WDFY4: variants seen among roughly 807,000 people sequenced by gnomAD.
The protein encoded by WDFY4 is WDFY family member 4.
Under a neutral mutation model 351.9 loss-of-function variants are expected in WDFY4, and 169 were observed. The ratio of observed to expected loss-of-function variants is 0.48; its 90% CI spans 0.42 to 0.55. WDFY4 has a LOEUF of 0.55. WDFY4 is among the 20% of genes least tolerant of loss of function. WDFY4 has a pLI of 0.00. For missense variants in WDFY4, 3,803 were observed against 3,935.6 expected (o/e 0.97, Z 0.90); for synonymous variants, 1,622 against 1,574.6 (o/e 1.03, Z -0.71).
At chr10:48,787,958 T>C (rs908145558) in intron 20 of WDFY4, among the ~76,000 whole-genome samples, 2 of 126,342 alleles carry the variant, frequency 1.6e-5, no homozygotes, top group Admixed American at 1.7e-4. Context: ...CTTCTTCTTC[T>C]TCTTCTTCTT....
chr10:48,941,883 A>G, intron 48 of WDFY4, 35 bp downstream of exon 48: 3 of 1,548,474 alleles, frequency 1.9e-6, no homozygotes, highest in Non-Finnish European at 2.6e-6. Flanking sequence ...GCCCTCTGGG[A>G]ATGCAAACCA....
intron 59 of WDFY4, among the ~76,000 whole-genome samples, chr10:48,977,951 A>G (rs140344990): frequency 6.6e-6 from 1 of 152,160 alleles, no homozygotes; most frequent in Non-Finnish European, 1.5e-5. Context: ...GTGAGGGAGT[A>G]CTCTAGAGGT....
intron 47 of WDFY4, among the ~76,000 whole-genome samples, chr10:48,920,406 A>T (rs1838960152): frequency 6.6e-6 from 1 of 152,164 alleles, no homozygotes; most frequent in African/African-American, 2.4e-5. Flanking sequence ...TAGGAGATAT[A>T]CCTAATGTTA....
At chr10:48,916,064 C>T (rs1192417940) in intron 47 of WDFY4, among the ~76,000 whole-genome samples, 1 of 152,180 alleles carries the variant, frequency 6.6e-6, no homozygotes, top group Non-Finnish European at 1.5e-5. Context: ...CAAGTAAAGC[C>T]TTGGGCAGAA....
chr10:48,959,635 C>T (rs1368572597), intron 52 of WDFY4, 87 bp from the exon 53 acceptor site: 2 of 1,222,694 alleles, frequency 1.6e-6, no homozygotes, highest in East Asian at 2.6e-5. Flanking sequence ...ACAAAATCAG[C>T]AATCCTGGGC....
chr10:48,802,884 T>G (rs868078818), intron 24 of WDFY4: 8 of 481,368 alleles, frequency 1.7e-5, no homozygotes, highest in Non-Finnish European at 3.0e-5. Context: ...GTCACTCAGC[T>G]GGTCTGTCTC....
intron 24 of WDFY4, among the ~76,000 whole-genome samples, chr10:48,801,986 A>G (rs1381493834): frequency 6.6e-6 from 1 of 151,870 alleles, no homozygotes; most frequent in Non-Finnish European, 1.5e-5. Flanking sequence ...AGTCAGGTGG[A>G]TTGACTTTGA....
chr10:48,881,048 G>C (rs535171991), intron 43 of WDFY4, among the ~76,000 whole-genome samples: 1 of 152,336 alleles, frequency 6.6e-6, no homozygotes, highest in South Asian at 2.1e-4. Context: ...CTTTAGAATG[G>C]GGTTCTACTC....
chr10:48,858,009 G>T (rs912883248), intron 39 of WDFY4, among the ~76,000 whole-genome samples: 31 of 152,028 alleles, frequency 2.0e-4, no homozygotes, highest in African/African-American at 7.2e-4. Flanking sequence ...GGCCAGGTTC[G>T]TCTTGAACTC....
intron 42 of WDFY4, among the ~76,000 whole-genome samples, chr10:48,876,224 G>A (rs35193987): frequency 5.9e-5 from 9 of 152,156 alleles, no homozygotes; most frequent in East Asian, 3.8e-4. Context: ...GAGGGTTTGC[G>A]TGAGCAGCAG....
rs982124196 is a variant in WDFY4, at chr10:48,941,708, C to T, written c.7587-98C>T. On this transcript the variant is annotated intron_variant, in intron 47 of 61. Coordinates refer to ENST00000325239, the MANE Select transcript of WDFY4 (RefSeq NM_001394531.1). Reference sequence around the variant, plus strand: ...TTGGGAAGTCTGCAGCTTTCCTGAACACCCTGGTCCCGTGAAGCCCAGGCA... The same window carrying T: ...TTGGGAAGTCTGCAGCTTTCCTGAATACCCTGGTCCCGTGAAGCCCAGGCA... 4.0e-6 allele frequency: 5 copies of T among 1,263,836 alleles called. No homozygotes were observed. The Admixed American group carries it at 7.9e-5, about 20-fold the overall frequency. The allele number at this position is 1,263,836 out of a possible 1,614,324, so 78.3% of individuals were successfully genotyped here.
In WDFY4 at chr10:48,776,784, C is replaced by T. The variant is rs1430534102; in HGVS notation, c.2898C>T (p.Pro966=). ...SQTAQGLAEG[P]WPAAPDAGLH... ...CTGCACAGGGCTTGGCTGAGGGGCC[C>T]TGGCCAGCTGCCCCAGATGCTGGGC... Residue 966 remains proline, a synonymous_variant, in exon 16 of 62, where the codon CCC becomes CCT. Transcript: ENST00000325239. The T allele has an allele frequency of 6.5e-7, 1 of 1,541,792 alleles. No individual in the cohort carries two copies. The highest frequency in any genetic ancestry group is 8.8e-7 in the Non-Finnish European group (1 of 1,138,852).
chr10:48,693,312 C>T (rs975858425), intron 1 of WDFY4, among the ~76,000 whole-genome samples: 4 of 152,070 alleles, frequency 2.6e-5, no homozygotes, highest in Non-Finnish European at 5.9e-5. Context: ...TGCTATGGTG[C>T]AGCCAGGGGA....
chr10:48,698,154 C>A (rs2063381431), intron 1 of WDFY4, among the ~76,000 whole-genome samples: 1 of 152,216 alleles, frequency 6.6e-6, no homozygotes, highest in African/African-American at 2.4e-5. Context: ...AGGATTGGCA[C>A]TGTGGAGAGT....
intron 12 of WDFY4, among the ~76,000 whole-genome samples, chr10:48,756,056 C>T (rs2065326792): frequency 6.6e-6 from 1 of 152,020 alleles, no homozygotes; most frequent in South Asian, 2.1e-4. Context: ...TTGCCTATAT[C>T]TACAAAAATT....
chr10:48,756,202 T>C (rs1004788614), intron 12 of WDFY4, among the ~76,000 whole-genome samples: 1 of 152,058 alleles, frequency 6.6e-6, no homozygotes, highest in Non-Finnish European at 1.5e-5. Context: ...GATTCTTTCA[T>C]CAAAGTCTGT....
chr10:48,796,277 G>A, intron 23 of WDFY4, 21 bp from the exon 24 acceptor site: 2 of 1,547,130 alleles, frequency 1.3e-6, no homozygotes, highest in East Asian at 2.5e-5. Context: ...TGAGGAAACT[G>A]CTTTGTGTTA....
At position 48,832,611 on chromosome 10, in the gene WDFY4, G is replaced by T. The variant is rs1458784180; in HGVS notation, c.6565G>T (p.Ala2189Ser). The change falls in exon 39 of 62, where the codon GCA becomes TCA. Residue 2189 changes from alanine (A) to serine (S), a missense_variant. Transcript: ENST00000325239. ...GTCACTGGCAAGTCGTTCAAATGTT[G>T]CACACCACAGCAAAGTCACTTTGTG... The part of the protein sequence containing the change: ...KKSLASRSNV[A>S]HHSKVTLWSG... 1 of 1,550,182 alleles carries T rather than the reference G, an allele frequency of 6.5e-7. No homozygotes were observed. Among genetic ancestry groups the T allele is most frequent in the Non-Finnish European group, 8.7e-7 (1 of 1,146,166 alleles).
chr10:48,895,366 C>T (rs910089186), intron 44 of WDFY4, among the ~76,000 whole-genome samples: 5 of 152,318 alleles, frequency 3.3e-5, no homozygotes, highest in Middle Eastern at 3.4e-3. Context: ...GAAGCTGAAA[C>T]AATTTCCTCA....
Sources: allele counts gnomAD v4.1 joint callset (sites outside exome capture counted in the v4.1 genomes callset), GRCh38; gene constraint gnomAD v4.1.1; transcripts MANE v1.5; gene names NCBI Gene and HGNC (gene_info 2026-07-23, HGNC 2026-07-21).